The following MT3 variants were observed in gnomAD, a reference collection of about 807,000 sequenced individuals.
The protein encoded by MT3 is metallothionein 3.
Under a neutral mutation model 10.9 loss-of-function variants are expected in MT3, and 8 were observed. That is an observed-to-expected ratio of 0.73 (90% CI 0.43 to 1.33). The LOEUF (loss-of-function observed/expected upper bound fraction) is 1.33. Among genes scored for constraint, MT3 ranks in the 40% most tolerant of loss-of-function variants. MT3 has a pLI of 0.01. For synonymous variants in MT3, 32 were observed against 29.9 expected (o/e 1.07, Z -0.23); for missense variants, 75 against 83.9 (o/e 0.89, Z 0.41).
At position 56,590,974 on chromosome 16, in the gene MT3, C is replaced by T. The variant is rs115372685; in HGVS notation, c.*25C>T. On this transcript the variant is annotated 3_prime_UTR_variant, in exon 3 of 3. Coordinates refer to ENST00000200691, the MANE Select transcript of MT3 (RefSeq NM_005954.4). Reference sequence around the variant, plus strand: ...AGAAGGCACCCCTCCGTGTGGAGCACGTGGAGATAGTGCCAGGTGGCTCAG... The same window carrying T: ...AGAAGGCACCCCTCCGTGTGGAGCATGTGGAGATAGTGCCAGGTGGCTCAG... 165 of 1,600,264 alleles carry T rather than the reference C, an allele frequency of 1.0e-4. 1 individual carries two copies. The African/African-American group carries it at 1.9e-3, about 18-fold the overall frequency.
chr16:56,589,675 A>T, intron 1 of MT3, 54 bp downstream of exon 1: 1 of 1,604,932 alleles, frequency 6.2e-7, no homozygotes, highest in Middle Eastern at 1.7e-4. Flanking sequence ...TGTACCTGCA[A>T]AGAAACCCAC....
Position 56,589,599 on chromosome 16 carries a change from T to A in MT3, c.9T>A (p.Pro3=), listed in dbSNP as rs1344448976. The A allele has an allele frequency of 1.9e-5, 31 of 1,598,280 alleles. No individual in the cohort carries two copies. Among genetic ancestry groups the A allele is most frequent in the Non-Finnish European group, 2.6e-5 (31 of 1,174,174 alleles). Residue 3 remains proline, a synonymous_variant, in exon 1 of 3, where the codon CCT becomes CCA. Transcript: ENST00000200691. The part of the protein sequence containing the change: MD[P]ETCPCPSGGS... ...CTGCTGCTCTCCTCGACATGGACCCTGAGACCTGCCCCTGCCCTTCTGGTG... is the reference window on the plus strand; with the variant it reads ...CTGCTGCTCTCCTCGACATGGACCCAGAGACCTGCCCCTGCCCTTCTGGTG...
Position 56,590,185 on chromosome 16 carries a change from G to A in MT3, c.97+250G>A. On this transcript the variant is annotated intron_variant, in intron 2 of 2. Coordinates refer to ENST00000200691, the MANE Select transcript of MT3 (RefSeq NM_005954.4). ...GACTCCAATGGCAGCTGGGATTGAG[G>A]ACTGCCACACTGGTCCAACCTTTCC... 3 of 659,780 alleles carry A rather than the reference G, an allele frequency of 4.5e-6. No individual in the cohort carries two copies. The South Asian group carries it at 5.0e-5, about 11-fold the overall frequency. 40.9% of individuals were successfully genotyped at this position (659,780 alleles called of 1,614,324 possible). A position where few individuals can be genotyped will look rare whatever the true frequency, so the allele number is the denominator to read the frequency against.
chr16:56,590,561 T>A, intron 2 of MT3: 1 of 511,202 alleles, frequency 2.0e-6, no homozygotes, highest in African/African-American at 1.9e-5. Flanking sequence ...AGTACCCACC[T>A]AAGCTGGGCT....
intron 2 of MT3, 126 bp downstream of exon 2, chr16:56,590,061 GA>G: frequency 1.0e-6 from 1 of 971,012 alleles, no homozygotes; most frequent in Non-Finnish European, 1.6e-6. Flanking sequence ...TGCTGGAATA[GA>G]ACCACCCGGG....
chr16:56,590,070 G>T lies in MT3; in HGVS notation c.97+135G>T, dbSNP rs1198642154. 12 of 896,528 alleles carry T rather than the reference G, an allele frequency of 1.3e-5. No homozygotes were observed. In the East Asian group the frequency reaches 3.1e-4, roughly 23 times the overall value. The allele number at this position is 896,528 out of a possible 1,614,324, so 55.5% of individuals were successfully genotyped here. On this transcript the variant is annotated intron_variant, in intron 2 of 2. Coordinates refer to ENST00000200691, the MANE Select transcript of MT3 (RefSeq NM_005954.4). ...GACTCTTGCTGGAATAGAACCACCC[G>T]GGCAGACATTAAAATACAGATGCCC...
intron 2 of MT3, chr16:56,590,443 C>T (rs1028123936): frequency 4.4e-6 from 2 of 456,646 alleles, no homozygotes; most frequent in African/African-American, 1.9e-5. Flanking sequence ...CGCCTCCCCA[C>T]GGCTTTCCTG....
intron 1 of MT3, 65 bp downstream of exon 1, chr16:56,589,686 G>A: frequency 6.2e-7 from 1 of 1,603,702 alleles, no homozygotes; most frequent in Non-Finnish European, 8.5e-7. Flanking sequence ...AGAAACCCAC[G>A]CCCTGCGCCT....
chr16:56,589,978 T>C (rs904982286), intron 2 of MT3, 43 bp downstream of exon 2: 2 of 1,600,820 alleles, frequency 1.2e-6, no homozygotes, highest in Non-Finnish European at 1.7e-6. Flanking sequence ...CCCCCTCTGC[T>C]CTGCGGAGTC....
intron 2 of MT3, 46 bp from the exon 3 acceptor site, chr16:56,590,793 TG>T: frequency 1.3e-6 from 2 of 1,574,858 alleles, no homozygotes; most frequent in Admixed American, 1.8e-5. Flanking sequence ...GGGGACGAAT[TG>T]GGGGAGTGTG....
At position 56,589,605 on chromosome 16, in the gene MT3, C is replaced by T; in HGVS notation, c.15C>T (p.Thr5=). 1 of 1,600,760 alleles carries T rather than the reference C, an allele frequency of 6.2e-7. No homozygotes were observed. The highest frequency in any genetic ancestry group is 8.5e-7 in the Non-Finnish European group (1 of 1,175,682). Residue 5 remains threonine (T), a synonymous_variant, in exon 1 of 3, where the codon ACC becomes ACT. Transcript: ENST00000200691. MDPE[T]CPCPSGGSCT... ...CTCTCCTCGACATGGACCCTGAGAC[C>T]TGCCCCTGCCCTTCTGGTGAGCCCC...
At chr16:56,590,105 A>G (rs771979342) in intron 2 of MT3, 170 bp downstream of exon 2, 2 of 742,524 alleles carry the variant, frequency 2.7e-6, no homozygotes, top group South Asian at 2.9e-5. Flanking sequence ...CCTGCCCCAC[A>G]CCCAGGAATT....
At chr16:56,589,784 G>C (rs780048780) in intron 1 of MT3, 86 bp from the exon 2 acceptor site, 2 of 1,582,196 alleles carry the variant, frequency 1.3e-6, no homozygotes. Context: ...GGAGAACAGG[G>C]AGACTTGGCA....
Position 56,590,827 on chromosome 16 carries a change from A to G in MT3, c.98-13A>G. 6.2e-7 allele frequency: 1 copy of G among 1,612,026 alleles called. No individual in the cohort carries two copies. Among genetic ancestry groups the G allele is most frequent in the Admixed American group, 1.7e-5 (1 of 59,764 alleles). ...GTGCATCAGAGAGTGGTCATCTTCC[A>G]TTTTATCTGCAGGCTGCTGCTCCTG... On this transcript the variant is annotated splice_polypyrimidine_tract_variant and intron_variant, in intron 2 of 2. Transcript: ENST00000200691.
chr16:56,589,582 C>T lies in MT3; in HGVS notation c.-9C>T. 2 of 1,573,760 alleles carry T rather than the reference C, an allele frequency of 1.3e-6. No homozygotes were observed. The highest frequency in any genetic ancestry group is 8.6e-7 in the Non-Finnish European group (1 of 1,161,780). On this transcript the variant is annotated 5_prime_UTR_variant, in exon 1 of 3. Coordinates refer to ENST00000200691, the MANE Select transcript of MT3 (RefSeq NM_005954.4). ...CCGTTCACCGCCTCCAGCTGCTGCT[C>T]TCCTCGACATGGACCCTGAGACCTG...
intron 2 of MT3, 91 bp from the exon 3 acceptor site, chr16:56,590,749 A>G: frequency 1.6e-6 from 2 of 1,275,850 alleles, no homozygotes; most frequent in South Asian, 2.6e-5. Flanking sequence ...AACCAGGATG[A>G]CTCCCCACCC....
At position 56,589,581 on chromosome 16, in the gene MT3, T is replaced by C. The variant is rs759953895; in HGVS notation, c.-10T>C. 2 of 1,570,210 alleles carry C rather than the reference T, an allele frequency of 1.3e-6. No homozygotes were observed. Among genetic ancestry groups the C allele is most frequent in the Non-Finnish European group, 1.7e-6 (2 of 1,160,140 alleles). On this transcript the variant is annotated 5_prime_UTR_variant, in exon 1 of 3. Coordinates refer to ENST00000200691, the MANE Select transcript of MT3 (RefSeq NM_005954.4). The stretch of plus-strand genomic sequence containing the variant: ...CCCGTTCACCGCCTCCAGCTGCTGC[T>C]CTCCTCGACATGGACCCTGAGACCT...
intron 2 of MT3, 72 bp downstream of exon 2, chr16:56,590,007 A>T: frequency 6.6e-7 from 1 of 1,507,400 alleles, no homozygotes; most frequent in Non-Finnish European, 9.2e-7. Flanking sequence ...ACCACGCAGG[A>T]TGTGGAGAGA....
In MT3 at chr16:56,590,923, G is replaced by T; in HGVS notation, c.181G>T (p.Ala61Ser). 5 of 1,613,802 alleles carry T rather than the reference G, an allele frequency of 3.1e-6. No individual in the cohort carries two copies. The highest frequency in any genetic ancestry group is 4.2e-6 in the Non-Finnish European group (5 of 1,179,948). The change falls in exon 3 of 3, where the codon GCA becomes TCA. Residue 61 changes from alanine (A) to serine (S), a missense_variant. Ala to Ser is a moderately conservative substitution (Grantham distance 99). Transcript: ENST00000200691. ...AGGCGGAGAGGCAGCTGAGGCAGAAGCAGAGAAGTGCAGCTGCTGCCAGTG... is the reference window on the plus strand; with the variant it reads ...AGGCGGAGAGGCAGCTGAGGCAGAATCAGAGAAGTGCAGCTGCTGCCAGTG... ...CKGGEAAEAE[A>S]EKCSCCQ
Sources: allele counts gnomAD v4.1 joint callset, GRCh38; gene constraint gnomAD v4.1.1; transcripts MANE v1.5; gene names NCBI Gene and HGNC (gene_info 2026-07-23, HGNC 2026-07-21).